Variants in CHM observed in about 807,000 individuals in gnomAD.
CHM encodes the protein CHM Rab escort protein.
A neutral mutation model predicts 49.0 loss-of-function variants in CHM; 10 were observed. The ratio of observed to expected loss-of-function variants is 0.20; its 90% CI spans 0.13 to 0.35. The LOEUF is 0.35. Ranked by LOEUF, CHM falls within the 10% of genes least tolerant of loss-of-function variation. The pLI, the probability that CHM is intolerant of heterozygous loss-of-function variation, is 1.00. For missense variants in CHM, 455 were observed against 478.4 expected, an observed-to-expected ratio of 0.95 and a Z score of 0.46; for synonymous variants, 184 against 167.5, an observed-to-expected ratio of 1.10 and a Z score of -0.76.
At chrX:85,957,460 T>C (rs373772344) in intron 7 of CHM, among the ~76,000 whole-genome samples, 10 of 110,783 alleles carry the variant, frequency 9.0e-5, no homozygotes, top group East Asian at 2.8e-4. Context: ...ATAAAATATA[T>C]AGTATTTTTA....
intron 4 of CHM, among the ~76,000 whole-genome samples, chrX:85,972,662 C>T (rs1032645519): frequency 7.1e-5 from 8 of 112,768 alleles, no homozygotes; most frequent in Non-Finnish European, 1.5e-4. Context: ...GTGCGGGGCC[C>T]GCCAAGCCCA....
intron 1 of CHM, chrX:86,047,281 T>G: frequency 2.1e-6 from 1 of 482,957 alleles, no homozygotes; most frequent in Non-Finnish European, 3.7e-6. Flanking sequence ...CAACCCCTAC[T>G]CAAATGGCGA....
intron 11 of CHM, among the ~76,000 whole-genome samples, chrX:85,900,375 AC>A (rs1046227875): frequency 9.0e-6 from 1 of 111,411 alleles, no homozygotes; most frequent in Admixed American, 9.6e-5. Flanking sequence ...AAATGGGGAG[AC>A]GTTGGTCAAA....
At chrX:85,904,466 T>G (rs918934530) in intron 9 of CHM, among the ~76,000 whole-genome samples, 4 of 111,665 alleles carry the variant, frequency 3.6e-5, no homozygotes, top group South Asian at 3.8e-4. Context: ...AATCTGGAAT[T>G]TGGCCCAGAA....
chrX:86,016,830 C>T (rs901316518), intron 2 of CHM, among the ~76,000 whole-genome samples: 7 of 111,643 alleles, frequency 6.3e-5, no homozygotes, highest in African/African-American at 1.3e-4. Context: ...GGTAGATCCA[C>T]GGACAGCTTG....
intron 1 of CHM, among the ~76,000 whole-genome samples, chrX:86,028,041 G>A (rs759848255): frequency 8.9e-6 from 1 of 112,237 alleles, no homozygotes; most frequent in South Asian, 3.7e-4. Flanking sequence ...GATTATAGGC[G>A]TGAGCCACTG....
At chrX:85,947,270 T>A (rs929603398) in intron 8 of CHM, among the ~76,000 whole-genome samples, 13 of 112,035 alleles carry the variant, frequency 1.2e-4, no homozygotes, top group African/African-American at 4.2e-4. Flanking sequence ...TCATATTGAA[T>A]TGTAGTTCCC....
At chrX:85,946,956 G>GC (rs764952050) in intron 8 of CHM, among the ~76,000 whole-genome samples, 3 of 112,535 alleles carry the variant, frequency 2.7e-5, no homozygotes, top group Non-Finnish European at 5.6e-5. Flanking sequence ...GGGGCCTGTA[G>GC]CCCCCCTTTT....
chrX:85,983,761 G>C (rs762225095), intron 2 of CHM, among the ~76,000 whole-genome samples: 1 of 110,910 alleles, frequency 9.0e-6, no homozygotes, highest in East Asian at 2.8e-4. Context: ...CTAACATTGG[G>C]GACAGACAAA....
intron 14 of CHM, among the ~76,000 whole-genome samples, chrX:85,866,652 G>C (rs1034985135): frequency 1.8e-5 from 2 of 113,172 alleles, no homozygotes; most frequent in African/African-American, 6.4e-5. Context: ...GCCAGCCCAT[G>C]AAAGCAGGCA....
At chrX:85,870,620 C>G (rs1923990514) in intron 14 of CHM, among the ~76,000 whole-genome samples, 1 of 111,913 alleles carries the variant, frequency 8.9e-6, no homozygotes, top group African/African-American at 3.3e-5. Flanking sequence ...CTATCAATGT[C>G]TTGGGAATGA....
intron 12 of CHM, among the ~76,000 whole-genome samples, chrX:85,880,810 A>G (rs775400825): frequency 9.0e-6 from 1 of 111,515 alleles, no homozygotes; most frequent in Admixed American, 9.6e-5. Context: ...CTTTGCTTAG[A>G]GGCTACATTG....
intron 8 of CHM, among the ~76,000 whole-genome samples, chrX:85,921,699 C>T (rs1927795247): frequency 8.9e-6 from 1 of 112,150 alleles, no homozygotes; most frequent in South Asian, 3.7e-4. Context: ...GTAGGCATGC[C>T]TACATGTCAC....
At chrX:85,931,606 T>C (rs1423455646) in intron 8 of CHM, among the ~76,000 whole-genome samples, 1 of 111,490 alleles carries the variant, frequency 9.0e-6, no homozygotes, top group African/African-American at 3.3e-5. Context: ...TACTATGAAT[T>C]TCATGCTTCG....
intron 9 of CHM, among the ~76,000 whole-genome samples, chrX:85,906,370 A>T (rs889907069): frequency 8.9e-6 from 1 of 112,234 alleles, no homozygotes; most frequent in Non-Finnish European, 1.9e-5. Context: ...CTCCAATTAT[A>T]TTAATAGTTA....
At chrX:85,939,967 AC>A (rs1441991511) in intron 8 of CHM, among the ~76,000 whole-genome samples, 1 of 111,714 alleles carries the variant, frequency 9.0e-6, no homozygotes, top group East Asian at 2.8e-4. Flanking sequence ...TTTTCACACT[AC>A]TATAAAGAAC....
intron 8 of CHM, among the ~76,000 whole-genome samples, chrX:85,916,135 A>G (rs2148177291): frequency 9.0e-6 from 1 of 111,377 alleles, no homozygotes; most frequent in Non-Finnish European, 1.9e-5. Context: ...AGAACCCAGA[A>G]AAAAGACCAC....
chrX:86,035,734 T>C (rs1464071538), intron 1 of CHM, among the ~76,000 whole-genome samples: 1 of 109,748 alleles, frequency 9.1e-6, no homozygotes, highest in African/African-American at 3.3e-5. Flanking sequence ...AATAACAGGG[T>C]TGGATGGTGA....
chrX:85,998,719 AC>A (rs777305458), intron 2 of CHM, among the ~76,000 whole-genome samples: 2 of 110,980 alleles, frequency 1.8e-5, no homozygotes, highest in South Asian at 7.7e-4. Flanking sequence ...CCTATCGCAT[AC>A]TGTTTGCCCA....
Sources: gnomAD v4.1 joint callset for allele counts (sites outside exome capture counted in the v4.1 genomes callset) on GRCh38, gnomAD v4.1.1 for gene constraint, MANE v1.5 for transcripts, NCBI Gene and HGNC (gene_info 2026-07-23, HGNC 2026-07-21) for gene names.